RTL9: variants seen among roughly 807,000 people sequenced by gnomAD.
RTL9 encodes the protein retrotransposon Gag-like protein 9.
A neutral mutation model predicts 44.7 loss-of-function variants in RTL9; 19 were observed. The observed-to-expected ratio is 0.42, with a 90% confidence interval of 0.30 to 0.62. The LOEUF (loss-of-function observed/expected upper bound fraction) is 0.62. Among genes scored for constraint, RTL9 ranks in the 20% least tolerant of loss-of-function variants. The pLI is 0.16. For missense variants in RTL9, 1,105 were observed against 1,080.6 expected, an observed-to-expected ratio of 1.02 and a Z score of -0.32; for synonymous variants, 407 against 398.9, an observed-to-expected ratio of 1.02 and a Z score of -0.24.
chrX:110,406,236 T>G (rs1425793291), intron 1 of RTL9, among the ~76,000 whole-genome samples: 2 of 110,205 alleles, frequency 1.8e-5, no homozygotes, highest in Non-Finnish European at 3.8e-5. Flanking sequence ...TAGGTATTTC[T>G]CCTAATGCTA....
intron 1 of RTL9, among the ~76,000 whole-genome samples, chrX:110,437,134 A>C (rs767414381): frequency 2.1e-4 from 23 of 111,676 alleles, no homozygotes; most frequent in African/African-American, 7.2e-4. Flanking sequence ...AGCGAGAGGA[A>C]AGGCTTAGGA....
At chrX:110,413,104 C>T (rs1009432386) in intron 1 of RTL9, among the ~76,000 whole-genome samples, 2 of 111,569 alleles carry the variant, frequency 1.8e-5, no homozygotes, top group Non-Finnish European at 1.9e-5. Flanking sequence ...CATCCTCATA[C>T]TGCTCAGTGC....
rs1363793489 is a variant in RTL9 at position 110,451,932 on chromosome X, A to T, written c.1315A>T (p.Thr439Ser). ...AGTTCCAGCCTCTGGAGCCATGACC[A>T]CCTCACTGATGACAGTCCCAAGCTC... The change falls in exon 1 of 2, where the codon ACC (threonine) becomes TCC (serine). Residue 439 changes from threonine to serine, a missense_variant. By Grantham distance (58) the Thr-to-Ser change is moderately conservative. Transcript: ENST00000540313. 1.7e-6 allele frequency: 2 copies of T among 1,210,931 alleles called. No individual in the cohort carries two copies. Among genetic ancestry groups the T allele is most frequent in the Admixed American group, 4.3e-5 (2 of 46,024 alleles).
At chrX:110,444,388 A>C (rs1002881788) in intron 1 of RTL9, among the ~76,000 whole-genome samples, 2 of 112,621 alleles carry the variant, frequency 1.8e-5, no homozygotes, top group Admixed American at 1.9e-4. Flanking sequence ...CTGTGTTGAT[A>C]CCTTAACTGT....
chrX:110,406,555 C>T (rs777399571), intron 1 of RTL9, among the ~76,000 whole-genome samples: 16 of 111,674 alleles, frequency 1.4e-4, no homozygotes, highest in South Asian at 1.1e-3. Context: ...TGAATAGTGC[C>T]GCAATAAACA....
rs2068956173 is a variant in RTL9 at position 110,453,123 on chromosome X, C to CAA, written c.2507_2508dup (p.Val837LysfsTer2). ...CTCTGGAATGATGTCATCCATGCCA[C>CAA]AAGTGAAGGCTCCCATCTCTGGAGC... On this transcript the variant is annotated frameshift_variant, in exon 1 of 2. Transcript: ENST00000540313. LOFTEE classifies it high-confidence loss of function. 1.7e-6 allele frequency: 2 copies of CAA among 1,209,933 alleles called. No homozygotes were observed. Among genetic ancestry groups the CAA allele is most frequent in the Non-Finnish European group, 2.2e-6 (2 of 895,131 alleles).
chrX:110,365,711 C>T (rs1253766111), intron 1 of RTL9, among the ~76,000 whole-genome samples: 2 of 111,766 alleles, frequency 1.8e-5, no homozygotes, highest in Admixed American at 1.9e-4. Flanking sequence ...TTCCTTCTTC[C>T]AGGCAACAAG....
chrX:110,439,018 C>T (rs1360648012), intron 1 of RTL9, among the ~76,000 whole-genome samples: 5 of 112,120 alleles, frequency 4.5e-5, no homozygotes, highest in African/African-American at 1.6e-4. Flanking sequence ...TCCCGCTCAC[C>T]TCCAAACAAG....
At chrX:110,450,580 C>T in exon 1 of RTL9, 1 of 1,145,226 alleles carries the variant, frequency 8.7e-7, no homozygotes, top group South Asian at 1.9e-5. Context: ...TTCTTGCCTC[C>T]TGGGCTCCCT....
chrX:110,410,826 C>T (rs867679255), intron 1 of RTL9, among the ~76,000 whole-genome samples: 1 of 112,180 alleles, frequency 8.9e-6, no homozygotes, highest in African/African-American at 3.2e-5. Context: ...CAGCAGCCTC[C>T]AAGCCACAAG....
chrX:110,453,745 C>T (rs891438270), exon 1 of RTL9: 1 of 1,211,484 alleles, frequency 8.3e-7, no homozygotes. Flanking sequence ...ATGCCCATGC[C>T]ACTACCAAGA....
At chrX:110,362,205 G>A (rs1368897413) in intron 1 of RTL9, among the ~76,000 whole-genome samples, 1 of 111,444 alleles carries the variant, frequency 9.0e-6, no homozygotes, top group East Asian at 2.8e-4. Context: ...GCTTTGGATG[G>A]GTTTGCAGCA....
upstream of RTL9, among the ~76,000 whole-genome samples, chrX:110,417,218 C>A (rs756028737): frequency 7.1e-5 from 8 of 112,291 alleles, no homozygotes; most frequent in East Asian, 2.2e-3. Flanking sequence ...CAGGCCTAGA[C>A]AATGGCGGCT....
intron 1 of RTL9, among the ~76,000 whole-genome samples, chrX:110,377,941 G>A (rs1037321783): frequency 1.2e-4 from 12 of 101,032 alleles, no homozygotes; most frequent in Non-Finnish European, 2.4e-4. Flanking sequence ...CCCGGGAGGC[G>A]GAGCTTGCAG....
chrX:110,451,341 A>G lies in RTL9; in HGVS notation c.724A>G (p.Met242Val), dbSNP rs759600862. The G allele has an allele frequency of 5.8e-6, 7 of 1,210,468 alleles. No individual in the cohort carries two copies. In the South Asian group the frequency reaches 8.8e-5, roughly 15 times the overall value. Residue 242 changes from methionine to valine, a missense_variant, in exon 1 of 2, where the codon ATG (methionine) becomes GTG (valine). Met to Val is a conservative substitution (Grantham distance 21). Transcript: ENST00000540313. ...AATTACAGATGAAGACACCGAAGCA[A>G]TGTCCAAAGTGCTAATGACTGCTCT... is the stretch of plus-strand genomic sequence containing the variant.
intron 1 of RTL9, among the ~76,000 whole-genome samples, chrX:110,389,707 A>G (rs1184885737): frequency 9.1e-6 from 1 of 110,057 alleles, no homozygotes; most frequent in Non-Finnish European, 1.9e-5. Flanking sequence ...GATAGAAAGG[A>G]AGGGAGGAAG....
exon 1 of RTL9, chrX:110,451,254 C>T (rs766454970): frequency 2.9e-5 from 35 of 1,210,000 alleles, no homozygotes; most frequent in Non-Finnish European, 3.7e-5. Flanking sequence ...AGATATGAAT[C>T]CTGGAGTGAT....
At chrX:110,439,017 C>T (rs181889514) in intron 1 of RTL9, among the ~76,000 whole-genome samples, 2 of 112,146 alleles carry the variant, frequency 1.8e-5, no homozygotes, top group East Asian at 5.6e-4. Flanking sequence ...CTCCCGCTCA[C>T]CTCCAAACAA....
intron 1 of RTL9, among the ~76,000 whole-genome samples, chrX:110,437,504 A>G (rs993809341): frequency 8.0e-5 from 9 of 111,877 alleles, no homozygotes; most frequent in African/African-American, 2.6e-4. Flanking sequence ...CAGAATTTGC[A>G]CCCAAGTGGT....
Sources: gnomAD v4.1 joint callset for allele counts (sites outside exome capture counted in the v4.1 genomes callset) on GRCh38, gnomAD v4.1.1 for gene constraint, MANE v1.5 for transcripts, NCBI Gene and HGNC (gene_info 2026-07-23, HGNC 2026-07-21) for gene names.